Variants in ASTN2 observed in about 807,000 individuals in gnomAD.
The protein encoded by ASTN2 is astrotactin 2.
ASTN2 carries 54 observed loss-of-function variants against 139.8 expected under a neutral mutation model. The observed-to-expected ratio is 0.39, with a 90% confidence interval of 0.31 to 0.48. ASTN2 has a LOEUF of 0.48. Ranked by LOEUF, ASTN2 falls within the 20% of genes least tolerant of loss-of-function variation. The pLI, the probability that ASTN2 is intolerant of heterozygous loss-of-function variation, is 0.95. For synonymous variants in ASTN2, 756 were observed against 719.5 expected, an observed-to-expected ratio of 1.05 and a Z score of -0.81; for missense variants, 1,565 against 1,725.1, an observed-to-expected ratio of 0.91 and a Z score of 1.64.
Position 116,449,214 on chromosome 9 carries a change from TG to T in ASTN2, c.3498-6662del, listed in dbSNP as rs1340888847. 2.0e-5 allele frequency among the ~76,000 whole-genome samples: 3 copies of T among 152,138 alleles called. No individual in the cohort carries two copies. The East Asian group carries it at 5.8e-4, about 29-fold the overall frequency. Reference sequence around the variant, plus strand: ...TGAGCCCAGGAGTTCAAAACCAGTCTGGGCAACATGGTGAAACCCCATCTCT... The same window carrying T: ...TGAGCCCAGGAGTTCAAAACCAGTCTGGCAACATGGTGAAACCCCATCTCT... On this transcript the variant is annotated intron_variant, in intron 20 of 22. Coordinates refer to ENST00000313400, the MANE Select transcript of ASTN2 (RefSeq NM_001365068.1).
At chr9:117,044,632 G>A (rs975731803) in intron 5 of ASTN2, among the ~76,000 whole-genome samples, 1 of 152,214 alleles carries the variant, frequency 6.6e-6, no homozygotes, top group African/African-American at 2.4e-5. Flanking sequence ...CACTGCTGTT[G>A]TAAGATGCAG....
intron 1 of ASTN2, among the ~76,000 whole-genome samples, chr9:117,298,702 A>ATGTGTG (rs60775898): frequency 2.6e-4 from 35 of 136,242 alleles, no homozygotes; most frequent in Middle Eastern, 3.9e-3. Flanking sequence ...GTGCATATGT[A>ATGTGTG]TGTGTGTGTG....
Position 116,996,761 on chromosome 9 carries a change from A to T in ASTN2, c.1591+11331T>A, listed in dbSNP as rs1837031693. ...CACTCTCAATTCCAACCTAGGCTTC[A>T]TTATTATCTTTTTTTCCATACATTT... On this transcript the variant is annotated intron_variant, in intron 7 of 22. Transcript: ENST00000313400. 2.0e-5 allele frequency among the ~76,000 whole-genome samples: 3 copies of T among 152,250 alleles called. No homozygotes were observed. In the South Asian group the frequency reaches 6.2e-4, roughly 32 times the overall value.
At chr9:117,214,869 C>T in intron 2 of ASTN2, 127 bp from the exon 3 acceptor site, 1 of 1,136,256 alleles carries the variant, frequency 8.8e-7, no homozygotes, top group Non-Finnish European at 1.1e-6. Flanking sequence ...TCAGGAACCA[C>T]CAGCCGTGGT....
chr9:116,908,519 T>C (rs978668059), intron 10 of ASTN2, among the ~76,000 whole-genome samples: 6 of 152,218 alleles, frequency 3.9e-5, no homozygotes, highest in African/African-American at 7.2e-5. Context: ...ATCATTAGCC[T>C]GGATCAAGAA....
chr9:116,586,666 C>T (rs1293970221), intron 19 of ASTN2, among the ~76,000 whole-genome samples: 3 of 152,046 alleles, frequency 2.0e-5, no homozygotes, highest in Admixed American at 2.0e-4. Context: ...AGAGATCCGG[C>T]TCAAAAACTA....
chr9:116,666,357 ATC>A (rs953382047), intron 16 of ASTN2, among the ~76,000 whole-genome samples: 4 of 152,324 alleles, frequency 2.6e-5, no homozygotes, highest in Admixed American at 2.6e-4. Context: ...TATTTTTAGT[ATC>A]TTATCATTGC....
At chr9:116,468,750 A>G (rs2119000746) in intron 20 of ASTN2, among the ~76,000 whole-genome samples, 1 of 152,304 alleles carries the variant, frequency 6.6e-6, no homozygotes, top group Non-Finnish European at 1.5e-5. Context: ...CTTTCAAGAT[A>G]AAGTCCACAC....
At chr9:117,180,374 C>G (rs924885928) in intron 3 of ASTN2, among the ~76,000 whole-genome samples, 23 of 152,148 alleles carry the variant, frequency 1.5e-4, no homozygotes, top group African/African-American at 5.6e-4. Flanking sequence ...AATGTTCTCT[C>G]CCTGTTGCCT....
At chr9:116,685,284 G>A (rs1388631366) in intron 16 of ASTN2, among the ~76,000 whole-genome samples, 1 of 152,072 alleles carries the variant, frequency 6.6e-6, no homozygotes, top group Non-Finnish European at 1.5e-5. Flanking sequence ...CTGACCAACA[G>A]CGCTCCTGGC....
At chr9:117,246,656 G>A (rs935037699) in intron 2 of ASTN2, among the ~76,000 whole-genome samples, 1 of 152,200 alleles carries the variant, frequency 6.6e-6, no homozygotes, top group African/African-American at 2.4e-5. Context: ...AGAGGACAGA[G>A]GTTAAAGGAG....
chr9:116,483,091 G>C (rs1849225507), intron 20 of ASTN2, among the ~76,000 whole-genome samples: 1 of 152,226 alleles, frequency 6.6e-6, no homozygotes, highest in Non-Finnish European at 1.5e-5. Flanking sequence ...TGGATGCCCA[G>C]CCAGGCCTGA....
intron 5 of ASTN2, among the ~76,000 whole-genome samples, chr9:117,049,195 A>G (rs1309133745): frequency 6.6e-6 from 1 of 152,032 alleles, no homozygotes; most frequent in Non-Finnish European, 1.5e-5. Flanking sequence ...TATTGCTCTT[A>G]TAAATGTATC....
chr9:116,682,318 A>C (rs1859931536), intron 16 of ASTN2, among the ~76,000 whole-genome samples: 2 of 152,194 alleles, frequency 1.3e-5, no homozygotes, highest in Non-Finnish European at 2.9e-5. Context: ...AATCAAAACC[A>C]CAATGAGATA....
At chr9:117,113,668 C>A (rs971019426) in intron 4 of ASTN2, among the ~76,000 whole-genome samples, 41 of 111,880 alleles carry the variant, frequency 3.7e-4, no homozygotes, top group African/African-American at 1.6e-3. Context: ...AAAAACAAAA[C>A]AAAACAAAAC....
intron 11 of ASTN2, among the ~76,000 whole-genome samples, chr9:116,844,359 T>C (rs1187146115): frequency 1.3e-5 from 2 of 152,216 alleles, no homozygotes; most frequent in African/African-American, 4.8e-5. Flanking sequence ...CCACAGCTAT[T>C]TGGGGACAGG....
chr9:117,116,695 C>T (rs923494680), intron 4 of ASTN2, among the ~76,000 whole-genome samples: 1 of 151,276 alleles, frequency 6.6e-6, no homozygotes, highest in African/African-American at 2.4e-5. Flanking sequence ...CCAAGCTAGG[C>T]TACATGGGAA....
chr9:116,797,769 C>A (rs1244759884), intron 13 of ASTN2, among the ~76,000 whole-genome samples: 2 of 152,148 alleles, frequency 1.3e-5, no homozygotes, highest in African/African-American at 4.8e-5. Context: ...ACTTTCCAGG[C>A]CTGGTTCTGC....
At chr9:116,647,457 T>G (rs1437480089) in intron 17 of ASTN2, among the ~76,000 whole-genome samples, 1 of 152,140 alleles carries the variant, frequency 6.6e-6, no homozygotes, top group Non-Finnish European at 1.5e-5. Context: ...CACCACTAAT[T>G]AGCCTCAGAA....
Sources: gnomAD v4.1 joint callset for allele counts (sites outside exome capture counted in the v4.1 genomes callset) on GRCh38, gnomAD v4.1.1 for gene constraint, MANE v1.5 for transcripts, NCBI Gene and HGNC (gene_info 2026-07-23, HGNC 2026-07-21) for gene names.